Variants in KIF15 observed in about 807,000 individuals in gnomAD.
KIF15 encodes the protein kinesin family member 15, also known as kinesin-like protein KIF15.
Under a neutral mutation model 190.6 loss-of-function variants are expected in KIF15, and 140 were observed. That is an observed-to-expected ratio of 0.73 (90% confidence interval 0.64 to 0.84). KIF15 has a LOEUF of 0.84. Among genes scored for constraint, KIF15 ranks in the 40% least tolerant of loss-of-function variants. The pLI is 0.00. For missense variants in KIF15, 1,372 were observed against 1,584.4 expected, an observed-to-expected ratio of 0.87 and a Z score of 2.28; for synonymous variants, 528 against 551.3, an observed-to-expected ratio of 0.96 and a Z score of 0.59.
rs141119603 is a variant in KIF15, at chr3:44,864,256, G to A, written c.*60-9073G>A. On this transcript the variant is annotated intron_variant and NMD_transcript_variant, in intron 6 of 6. Transcript: ENST00000422209. The stretch of plus-strand genomic sequence containing the variant: ...TGATGGCGAGCACCAATTCTCTGAT[G>A]TGGACCTTCTTTAGCCGGGGCCTCA... The A allele has an allele frequency of 1.8e-4, 287 of 1,614,104 alleles. 1 individual carries two copies. Among genetic ancestry groups the A allele is most frequent in the Non-Finnish European group, 2.3e-4 (268 of 1,180,048 alleles).
intron 23 of KIF15, among the ~76,000 whole-genome samples, 161 bp downstream of exon 23, chr3:44,827,689 T>C (rs192496650): frequency 6.6e-6 from 1 of 152,258 alleles, no homozygotes; most frequent in Admixed American, 6.5e-5. Flanking sequence ...TTTATTTTTT[T>C]CTTCTTTTTT....
At chr3:44,790,849 C>G (rs1277282771) in intron 7 of KIF15, among the ~76,000 whole-genome samples, 3 of 151,936 alleles carry the variant, frequency 2.0e-5, no homozygotes, top group African/African-American at 7.2e-5. Flanking sequence ...TGCGCCACCA[C>G]GCCCTGTTAA....
At chr3:44,840,778 C>T (rs1698560038) in intron 28 of KIF15, among the ~76,000 whole-genome samples, 2 of 149,146 alleles carry the variant, frequency 1.3e-5, no homozygotes, top group Admixed American at 6.8e-5. Context: ...AAGCAATTCT[C>T]CTGCCTCAGC....
At chr3:44,767,402 G>A (rs1044709970) in intron 1 of KIF15, among the ~76,000 whole-genome samples, 4 of 152,206 alleles carry the variant, frequency 2.6e-5, no homozygotes, top group African/African-American at 7.2e-5. Context: ...GATTGGATAC[G>A]AAGAGTGAGA....
intron 8 of KIF15, 110 bp from the exon 9 acceptor site, chr3:44,797,441 C>G (rs1383165935): frequency 9.4e-7 from 1 of 1,061,020 alleles, no homozygotes; most frequent in Non-Finnish European, 1.4e-6. Flanking sequence ...AACATTGTCC[C>G]TGACTTGCCT....
chr3:44,777,581 C>T (rs1489387477), intron 3 of KIF15, among the ~76,000 whole-genome samples: 1 of 152,114 alleles, frequency 6.6e-6, no homozygotes, highest in Non-Finnish European at 1.5e-5. Context: ...GTCCCAGCTA[C>T]ACAGGAGGCT....
chr3:44,801,273 C>G (rs1707265616), intron 11 of KIF15, among the ~76,000 whole-genome samples, 177 bp from the exon 12 acceptor site: 1 of 151,702 alleles, frequency 6.6e-6, no homozygotes, highest in South Asian at 2.1e-4. Context: ...AGAAAGATAT[C>G]CGTCTGCTTC....
intron 30 of KIF15, among the ~76,000 whole-genome samples, chr3:44,846,022 T>C (rs988211331): frequency 6.6e-6 from 1 of 152,246 alleles, no homozygotes; most frequent in Non-Finnish European, 1.5e-5. Flanking sequence ...TTGCAATCCC[T>C]CTGCTATTCC....
At chr3:44,857,888 G>T (rs1163939258), downstream of KIF15, among the ~76,000 whole-genome samples, 1 of 152,224 alleles carries the variant, frequency 6.6e-6, no homozygotes, top group Admixed American at 6.5e-5. Flanking sequence ...GAGAATAAAT[G>T]TTGAAGGAGC....
chr3:44,857,363 A>G (rs1194571029), downstream of KIF15, among the ~76,000 whole-genome samples: 1 of 152,240 alleles, frequency 6.6e-6, no homozygotes, highest in African/African-American at 2.4e-5. Flanking sequence ...TAGGGCCTCT[A>G]AAAGTATTAG....
chr3:44,804,205 C>T (rs1707394830), intron 14 of KIF15, among the ~76,000 whole-genome samples: 1 of 152,086 alleles, frequency 6.6e-6, no homozygotes, highest in Non-Finnish European at 1.5e-5. Context: ...TTTTGTTGGC[C>T]ATTTTGTTGT....
Position 44,843,108 on chromosome 3 carries a change from C to A in KIF15, c.3586-17C>A. 1 of 1,574,102 alleles carries A rather than the reference C, an allele frequency of 6.4e-7. No homozygotes were observed. Among genetic ancestry groups the A allele is most frequent in the South Asian group, 1.1e-5 (1 of 87,994 alleles). On this transcript the variant is annotated splice_polypyrimidine_tract_variant and intron_variant, in intron 29 of 34. Transcript: ENST00000326047. ...CTGTAATGTGTTTTTTGAAAAGATACGATTTGATGTTATTAGGAGCAGTTG... is the reference window on the plus strand; with the variant it reads ...CTGTAATGTGTTTTTTGAAAAGATAAGATTTGATGTTATTAGGAGCAGTTG...
chr3:44,813,195 C>T lies in KIF15; in HGVS notation c.2383+15C>T, dbSNP rs1707874674. ...TAAAAATGACTGTAAGTTATTCTAT[C>T]AGGAGCTTTGTGACTTGAAGGAATA... On this transcript the variant is annotated intron_variant, in intron 19 of 34. Coordinates refer to ENST00000326047, the MANE Select transcript of KIF15 (RefSeq NM_020242.3). The T allele has an allele frequency of 1.4e-6, 2 of 1,444,904 alleles. No homozygotes were observed. The highest frequency in any genetic ancestry group is 3.7e-5 in the Admixed American group (2 of 53,666). The allele number at this position is 1,444,904 out of a possible 1,614,324, so 89.5% of individuals were successfully genotyped here. A position where few individuals can be genotyped will look rare whatever the true frequency, so the allele number is the denominator to read the frequency against.
chr3:44,778,332 A>C, intron 4 of KIF15, 141 bp downstream of exon 4: 1 of 706,082 alleles, frequency 1.4e-6, no homozygotes, highest in South Asian at 1.7e-5. Flanking sequence ...AAAGTTCAAC[A>C]TGGGTCTCTC....
At chr3:44,826,013 A>G in intron 20 of KIF15, 26 bp from the exon 21 acceptor site, 1 of 1,558,238 alleles carries the variant, frequency 6.4e-7, no homozygotes, top group Non-Finnish European at 8.7e-7. Flanking sequence ...TTTATTTACC[A>G]TTTTTAAAAT....
intron 14 of KIF15, 57 bp from the exon 15 acceptor site, chr3:44,804,970 T>C: frequency 1.3e-6 from 2 of 1,542,878 alleles, no homozygotes; most frequent in South Asian, 2.5e-5. Flanking sequence ...GGCAACATAG[T>C]GAGGCCCTGT....
At chr3:44,823,639 C>T (rs943635745) in intron 20 of KIF15, among the ~76,000 whole-genome samples, 2 of 152,196 alleles carry the variant, frequency 1.3e-5, no homozygotes, top group Non-Finnish European at 2.9e-5. Context: ...TAGAGGCAGC[C>T]GGCCTTGCTG....
intron 1 of KIF15, among the ~76,000 whole-genome samples, chr3:44,771,124 A>G (rs1376474591): frequency 6.6e-6 from 1 of 152,256 alleles, no homozygotes; most frequent in Non-Finnish European, 1.5e-5. Flanking sequence ...AAACAAGACA[A>G]CAATTGTCTG....
chr3:44,817,233 T>A (rs1708070223), intron 20 of KIF15, among the ~76,000 whole-genome samples: 1 of 152,234 alleles, frequency 6.6e-6, no homozygotes, highest in African/African-American at 2.4e-5. Context: ...GTGCAGAGGC[T>A]CTTTAGTTTA....
Sources: allele counts gnomAD v4.1 joint callset (sites outside exome capture counted in the v4.1 genomes callset), GRCh38; gene constraint gnomAD v4.1.1; transcripts MANE v1.5; gene names NCBI Gene and HGNC (gene_info 2026-07-23, HGNC 2026-07-21).